Variants in KHDRBS2 observed in about 807,000 individuals in gnomAD.
KHDRBS2 encodes KH domain-containing, RNA-binding, signal transduction-associated protein 2.
KHDRBS2 carries 26 observed loss-of-function variants against 44.3 expected under a neutral mutation model. That is an observed-to-expected ratio of 0.59 (90% CI 0.43 to 0.81). The LOEUF (loss-of-function observed/expected upper bound fraction) is 0.81. KHDRBS2 is among the 40% of genes least tolerant of loss of function. KHDRBS2 has a pLI of 0.00. For missense variants in KHDRBS2, 476 were observed against 433.1 expected, an observed-to-expected ratio of 1.10 and a Z score of -0.88; for synonymous variants, 194 against 151.1, an observed-to-expected ratio of 1.28 and a Z score of -2.08.
At chr6:61,978,278 G>A (rs1178785578) in intron 3 of KHDRBS2, 66 bp from the exon 4 acceptor site, 3 of 1,284,250 alleles carry the variant, frequency 2.3e-6, no homozygotes, top group Non-Finnish European at 3.3e-6. Flanking sequence ...CATTTACTGA[G>A]AATATGACAA....
intron 6 of KHDRBS2, among the ~76,000 whole-genome samples, chr6:61,851,220 T>C (rs188229957): frequency 4.5e-4 from 69 of 151,756 alleles, no homozygotes; most frequent in Admixed American, 1.8e-3. Flanking sequence ...CACACACACA[T>C]ATATATGTGT....
chr6:61,591,120 A>G, the KHDRBS2 span, among the ~76,000 whole-genome samples: 1 of 152,178 alleles, frequency 6.6e-6, no homozygotes, highest in Non-Finnish European at 1.5e-5. Flanking sequence ...ACTGTTTCTC[A>G]TACTGTGCTT....
At chr6:62,183,164 T>C (rs984126850) in intron 1 of KHDRBS2, among the ~76,000 whole-genome samples, 6 of 151,796 alleles carry the variant, frequency 4.0e-5, no homozygotes, top group Non-Finnish European at 8.9e-5. Context: ...ACAAGTTATT[T>C]TGTGGTGATT....
chr6:62,160,683 G>A (rs949296103), intron 2 of KHDRBS2, among the ~76,000 whole-genome samples: 9 of 152,012 alleles, frequency 5.9e-5, no homozygotes, highest in Admixed American at 5.3e-4. Flanking sequence ...AGAAGATGAC[G>A]ACCTAGGCCA....
At chr6:61,893,413 G>A (rs1802350773) in intron 6 of KHDRBS2, among the ~76,000 whole-genome samples, 1 of 152,086 alleles carries the variant, frequency 6.6e-6, no homozygotes, top group Non-Finnish European at 1.5e-5. Flanking sequence ...ATACCCAAAG[G>A]GTTATAAAGT....
chr6:62,027,571 A>C (rs1783597406), intron 3 of KHDRBS2, among the ~76,000 whole-genome samples: 1 of 152,110 alleles, frequency 6.6e-6, no homozygotes, highest in Admixed American at 6.6e-5. Flanking sequence ...AGGGTAATTT[A>C]TCATGTGATT....
At chr6:61,826,898 T>A (rs1583037369) in intron 6 of KHDRBS2, among the ~76,000 whole-genome samples, 1 of 152,148 alleles carries the variant, frequency 6.6e-6, no homozygotes, top group Non-Finnish European at 1.5e-5. Flanking sequence ...GGTGAACACA[T>A]CCTAACACGA....
the KHDRBS2 span, among the ~76,000 whole-genome samples, chr6:61,595,644 C>A: frequency 6.6e-6 from 1 of 151,664 alleles, no homozygotes; most frequent in South Asian, 2.1e-4. Flanking sequence ...CTAGTGAAAA[C>A]CTAGAAAGTA....
At chr6:61,926,207 T>C (rs1487414349) in intron 4 of KHDRBS2, among the ~76,000 whole-genome samples, 2 of 152,106 alleles carry the variant, frequency 1.3e-5, no homozygotes, top group Non-Finnish European at 2.9e-5. Flanking sequence ...AGAAACCATA[T>C]GTGTAAAGGG....
At position 61,881,259 on chromosome 6, in the gene KHDRBS2, A is replaced by T. The variant is rs111938260; in HGVS notation, c.810+13376T>A. On this transcript the variant is annotated intron_variant, in intron 6 of 8. Transcript: ENST00000281156. ...TCCTTGCAATATCCATTGGAAAAAG[A>T]GTTGTAGGGAAAGTCAGCAAATCTA... 9.1e-3 allele frequency among the ~76,000 whole-genome samples: 1,383 copies of T among 152,048 alleles called. 9 individuals are homozygous for T. The highest frequency in any genetic ancestry group is 0.017 in the Middle Eastern group (5 of 294).
At chr6:62,014,221 G>A (rs191613250) in intron 3 of KHDRBS2, among the ~76,000 whole-genome samples, 1 of 152,166 alleles carries the variant, frequency 6.6e-6, no homozygotes, top group East Asian at 1.9e-4. Flanking sequence ...AATTTTTTCA[G>A]TCTACAATAT....
At chr6:61,892,670 A>G (rs1802109117) in intron 6 of KHDRBS2, among the ~76,000 whole-genome samples, 2 of 152,198 alleles carry the variant, frequency 1.3e-5, no homozygotes, top group Non-Finnish European at 2.9e-5. Flanking sequence ...CCTATTTAAT[A>G]AATGGTGCTG....
rs145824163 is a variant in KHDRBS2, at chr6:61,979,758, C to T, written c.337-1546G>A. On this transcript the variant is annotated intron_variant, in intron 3 of 8. Transcript: ENST00000281156. ...GGCAACACTACACTGAATGAAAATA[C>T]TCTCATGAGGTGTAGTAAAGATTTC... Among the ~76,000 whole-genome samples, 487 of 152,234 alleles carry T rather than the reference C, an allele frequency of 3.2e-3. 4 individuals carry two copies. Among genetic ancestry groups the T allele is most frequent in the African/African-American group, 0.011 (459 of 41,550 alleles).
chr6:62,147,978 G>GA (rs1814301964), intron 2 of KHDRBS2, among the ~76,000 whole-genome samples: 1 of 152,072 alleles, frequency 6.6e-6, no homozygotes, highest in South Asian at 2.1e-4. Flanking sequence ...ACAGGATGTA[G>GA]AAAAAATGTT....
At chr6:61,848,492 T>TATACAC (rs1554236562) in intron 6 of KHDRBS2, among the ~76,000 whole-genome samples, 1 of 30,136 alleles carries the variant, frequency 3.3e-5, no homozygotes, top group Non-Finnish European at 6.1e-5. Flanking sequence ...TATATATATG[T>TATACAC]ATATATATAT....
rs554181088 is a variant in KHDRBS2, at chr6:62,107,293, C to G, written c.220-59299G>C. Among the ~76,000 whole-genome samples the G allele has an allele frequency of 5.9e-5, 9 of 152,244 alleles. 1 individual carries two copies. The South Asian group carries it at 6.2e-4, about 11-fold the overall frequency. Reference sequence around the variant, plus strand: ...TGAAAATCACAAGCATTCTTATACACCAATAACAGACAAACAGAGAGCCAA... The same window carrying G: ...TGAAAATCACAAGCATTCTTATACAGCAATAACAGACAAACAGAGAGCCAA... On this transcript the variant is annotated intron_variant, in intron 2 of 8. Transcript: ENST00000281156.
At chr6:61,813,565 G>A (rs9968831) in intron 6 of KHDRBS2, among the ~76,000 whole-genome samples, 1,918 of 152,192 alleles carry the variant, frequency 0.013, 32 homozygotes, top group African/African-American at 0.041. Context: ...AAGAGTATGC[G>A]TTTAGATAGT....
the KHDRBS2 span, among the ~76,000 whole-genome samples, chr6:61,546,696 G>A: frequency 3.3e-5 from 5 of 152,120 alleles, no homozygotes; most frequent in South Asian, 8.3e-4. Context: ...CAGCGGTGGT[G>A]GGGTAAATCA....
At chr6:61,728,075 G>A (rs1773861338) in intron 7 of KHDRBS2, among the ~76,000 whole-genome samples, 1 of 151,972 alleles carries the variant, frequency 6.6e-6, no homozygotes, top group Non-Finnish European at 1.5e-5. Flanking sequence ...TAGAAAATGT[G>A]GTACATATAC....
Sources: allele counts gnomAD v4.1 joint callset (sites outside exome capture counted in the v4.1 genomes callset), GRCh38; gene constraint gnomAD v4.1.1; transcripts MANE v1.5; gene names NCBI Gene and HGNC (gene_info 2026-07-23, HGNC 2026-07-21).